Variants in ZC3H12C observed in about 807,000 individuals in gnomAD.
ZC3H12C encodes probable ribonuclease ZC3H12C.
Under a neutral mutation model 76.3 loss-of-function variants are expected in ZC3H12C, and 20 were observed. That is an observed-to-expected ratio of 0.26 (90% confidence interval 0.18 to 0.38). ZC3H12C has a LOEUF of 0.38. Among genes scored for constraint, ZC3H12C ranks in the 10% least tolerant of loss-of-function variants. ZC3H12C has a pLI of 1.00. For missense variants in ZC3H12C, 874 were observed against 1,086.5 expected (o/e 0.80, Z 2.75); for synonymous variants, 352 against 399.6 (o/e 0.88, Z 1.42).
chr11:110,115,383 G>T (rs935365077), intron 1 of ZC3H12C, among the ~76,000 whole-genome samples: 9 of 151,954 alleles, frequency 5.9e-5, no homozygotes, highest in African/African-American at 1.9e-4. Flanking sequence ...GCTCACTGCA[G>T]CCTCTGCCTC....
At chr11:110,119,541 C>A (rs1334948548) in intron 1 of ZC3H12C, among the ~76,000 whole-genome samples, 9 of 152,222 alleles carry the variant, frequency 5.9e-5, no homozygotes, top group African/African-American at 2.2e-4. Context: ...AGGCTCCTGA[C>A]CACCTTGCTG....
At chr11:110,113,947 T>G (rs563282840) in intron 1 of ZC3H12C, among the ~76,000 whole-genome samples, 1 of 152,322 alleles carries the variant, frequency 6.6e-6, no homozygotes, top group South Asian at 2.1e-4. Context: ...AATAGAAATA[T>G]GTACTCAGAA....
At position 110,170,360 on chromosome 11, in the gene ZC3H12C, C is replaced by T. The variant is rs534542266; in HGVS notation, c.*4623C>T. 6.6e-6 allele frequency: 1 copy of T among 152,164 alleles called. No homozygotes were observed. The highest frequency in any genetic ancestry group is 2.4e-5 in the African/African-American group (1 of 41,448). The allele number at this position is 152,164 out of a possible 1,614,324, so 9.4% of individuals were successfully genotyped here. On this transcript the variant is annotated 3_prime_UTR_variant, in exon 6 of 6. Coordinates refer to ENST00000278590, the MANE Select transcript of ZC3H12C (RefSeq NM_033390.2). ...TGCAGCATTTAATTAGCCACAGATA[C>T]ATTTTGGCTGCATTTACCAGTTACA...
At chr11:110,160,051 T>C (rs1382449524) in intron 4 of ZC3H12C, among the ~76,000 whole-genome samples, 1 of 152,276 alleles carries the variant, frequency 6.6e-6, no homozygotes, top group Non-Finnish European at 1.5e-5. Flanking sequence ...CTGAATACTG[T>C]AGGCAACTGT....
At chr11:110,095,450 A>C (rs1341244450) in intron 1 of ZC3H12C, among the ~76,000 whole-genome samples, 7 of 152,246 alleles carry the variant, frequency 4.6e-5, no homozygotes, top group Non-Finnish European at 4.4e-5. Flanking sequence ...CTGATTTGAT[A>C]GCATTTTTAA....
At chr11:110,145,651 T>C (rs1286447565) in intron 2 of ZC3H12C, among the ~76,000 whole-genome samples, 2 of 152,068 alleles carry the variant, frequency 1.3e-5, no homozygotes, top group African/African-American at 2.4e-5. Flanking sequence ...TCATATCCTA[T>C]GTGGTATTTT....
intron 1 of ZC3H12C, among the ~76,000 whole-genome samples, chr11:110,130,191 G>A (rs984396374): frequency 4.6e-5 from 7 of 152,126 alleles, no homozygotes; most frequent in Non-Finnish European, 8.8e-5. Context: ...GCATACATAG[G>A]ATAGGTTATT....
intron 2 of ZC3H12C, among the ~76,000 whole-genome samples, chr11:110,152,670 T>G (rs1429641130): frequency 6.6e-6 from 1 of 152,198 alleles, no homozygotes; most frequent in East Asian, 1.9e-4. Context: ...TTTAGAGCTT[T>G]ACCTTTGAAA....
chr11:110,104,352 C>T (rs142369763), intron 1 of ZC3H12C, among the ~76,000 whole-genome samples: 76 of 152,228 alleles, frequency 5.0e-4, no homozygotes, highest in African/African-American at 1.7e-3. Flanking sequence ...GAGTGAGCCA[C>T]CGCACCTGGC....
intron 1 of ZC3H12C, among the ~76,000 whole-genome samples, chr11:110,116,216 C>T (rs1379522395): frequency 6.6e-6 from 1 of 152,188 alleles, no homozygotes; most frequent in African/African-American, 2.4e-5. Flanking sequence ...AGCGTTCTTA[C>T]ACTTATGTTC....
At chr11:110,158,237 C>T (rs1161449406) in intron 3 of ZC3H12C, among the ~76,000 whole-genome samples, 1 of 152,140 alleles carries the variant, frequency 6.6e-6, no homozygotes, top group Non-Finnish European at 1.5e-5. Context: ...CAGCCGGGCA[C>T]GGTGGCTCAC....
chr11:110,093,417 G>A lies in ZC3H12C; in HGVS notation c.6G>A (p.Pro2=). 3.3e-6 allele frequency: 4 copies of A among 1,201,942 alleles called. No homozygotes were observed. Among genetic ancestry groups the A allele is most frequent in the Non-Finnish European group, 4.1e-6 (4 of 965,618 alleles). 74.5% of individuals were successfully genotyped at this position (1,201,942 alleles called of 1,614,324 possible). The change falls in exon 1 of 6, where the codon CCG becomes CCA. Residue 2 remains proline, a synonymous_variant. Coordinates refer to ENST00000278590, the MANE Select transcript of ZC3H12C (RefSeq NM_033390.2). ...GCTTTCTCGCGGGGCTGGCTATGCC[G>A]GGTGGCGGCTCCCAGGTTTGTCCTC... M[P]GGGSQEYGVL...
intron 1 of ZC3H12C, among the ~76,000 whole-genome samples, chr11:110,125,341 A>G (rs1469138104): frequency 1.4e-5 from 2 of 144,850 alleles, no homozygotes; most frequent in Non-Finnish European, 3.0e-5. Context: ...GTTTGTTTTG[A>G]GATGGAGTCT....
At chr11:110,136,561 C>G (rs1249911132) in intron 1 of ZC3H12C, 102 bp from the exon 2 acceptor site, 4 of 1,315,512 alleles carry the variant, frequency 3.0e-6, no homozygotes, top group Non-Finnish European at 3.1e-6. Context: ...AGACAAAATA[C>G]AAAGTATTTT....
At position 110,137,187 on chromosome 11, in the gene ZC3H12C, A is replaced by G. The variant is rs753475922; in HGVS notation, c.546A>G (p.Val182=). 6.2e-7 allele frequency: 1 copy of G among 1,613,932 alleles called. No homozygotes were observed. Among genetic ancestry groups the G allele is most frequent in the South Asian group, 1.1e-5 (1 of 91,038 alleles). ...ATTCTGAAGAACAGGTTCAGCTTGT[A>G]CTAAACAAACTTGGTACTGATGCTT... The part of the protein sequence containing the change: ...LGYSEEQVQL[V]LNKLGTDALI... Residue 182 remains valine (V), a synonymous_variant, in exon 2 of 6, where the codon GTA becomes GTG. Transcript: ENST00000278590.
rs771779970 is a variant in ZC3H12C, at chr11:110,159,387, A to G, written c.1045A>G (p.Ile349Val). 6 of 1,613,984 alleles carry G rather than the reference A, an allele frequency of 3.7e-6. No individual in the cohort carries two copies. The highest frequency in any genetic ancestry group is 1.1e-5 in the South Asian group (1 of 91,032). ...GAAGCTGGCTTTTGAGTCGGACGGT[A>G]TCATTGTGTCCAATGATAACTACAG... ...IVKLAFESDG[I>V]IVSNDNYRDL... is the part of the protein sequence containing the mutation. Residue 349 changes from isoleucine to valine, a missense_variant, in exon 4 of 6, where the codon ATC (isoleucine) becomes GTC (valine). Transcript: ENST00000278590.
intron 1 of ZC3H12C, among the ~76,000 whole-genome samples, chr11:110,117,914 T>TTA (rs200347270): frequency 1.9e-5 from 2 of 107,186 alleles, no homozygotes; most frequent in Admixed American, 1.1e-4. Flanking sequence ...CACATATATA[T>TTA]TATATATATA....
chr11:110,153,373 A>G (rs4754424), intron 3 of ZC3H12C, among the ~76,000 whole-genome samples: 104,567 of 151,824 alleles, frequency 0.69, 36,814 homozygotes, highest in South Asian at 0.79. Context: ...TTTTTAGTAG[A>G]GACAGGATTT....
At chr11:110,138,291 A>G (rs1221612620) in intron 2 of ZC3H12C, among the ~76,000 whole-genome samples, 1 of 152,128 alleles carries the variant, frequency 6.6e-6, no homozygotes, top group East Asian at 1.9e-4. Context: ...TTTCATATGC[A>G]GTTTCTCAGA....
Sources: gnomAD v4.1 joint callset for allele counts (sites outside exome capture counted in the v4.1 genomes callset) on GRCh38, gnomAD v4.1.1 for gene constraint, MANE v1.5 for transcripts, NCBI Gene and HGNC (gene_info 2026-07-23, HGNC 2026-07-21) for gene names.